Variants in IL16 observed in about 807,000 individuals in gnomAD.
IL16 encodes pro-interleukin-16.
In IL16, 67 loss-of-function variants were observed where a neutral mutation model predicts 110.1. The observed-to-expected ratio is 0.61, with a 90% CI of 0.50 to 0.75. IL16 has a LOEUF of 0.75. IL16 is among the 30% of genes least tolerant of loss of function. The pLI is 0.00. For synonymous variants in IL16, 689 were observed against 662.9 expected (o/e 1.04, Z -0.61); for missense variants, 1,545 against 1,655.0 (o/e 0.93, Z 1.15).
intron 2 of IL16, among the ~76,000 whole-genome samples, chr15:81,238,898 G>T (rs1247213871): frequency 1.3e-5 from 2 of 150,084 alleles, no homozygotes; most frequent in Admixed American, 6.6e-5. Context: ...AATAGATATA[G>T]GATTTATGGT....
chr15:81,288,543 C>T (rs1899554648), intron 10 of IL16, among the ~76,000 whole-genome samples: 1 of 152,172 alleles, frequency 6.6e-6, no homozygotes, highest in South Asian at 2.1e-4. Flanking sequence ...GTTGTGCAAC[C>T]ATTGCCACCA....
At chr15:81,296,893 T>C in intron 12 of IL16, 35 bp from the exon 13 acceptor site, 1 of 1,560,762 alleles carries the variant, frequency 6.4e-7, no homozygotes, top group Non-Finnish European at 8.7e-7. Flanking sequence ...GAGGCTACCG[T>C]TTTGACATGG....
At chr15:81,216,735 G>A (rs1451046798) in intron 1 of IL16, among the ~76,000 whole-genome samples, 1 of 152,148 alleles carries the variant, frequency 6.6e-6, no homozygotes, top group Non-Finnish European at 1.5e-5. Flanking sequence ...CCTCCTATGA[G>A]AAGAACCCAA....
At chr15:81,189,209 C>T (rs1309068872) in intron 1 of IL16, among the ~76,000 whole-genome samples, 2 of 151,626 alleles carry the variant, frequency 1.3e-5, no homozygotes, top group African/African-American at 2.4e-5. Flanking sequence ...CTGCAACCTC[C>T]ACCTCCTGGG....
At chr15:81,244,556 C>G (rs1897468578) in intron 2 of IL16, among the ~76,000 whole-genome samples, 2 of 152,110 alleles carry the variant, frequency 1.3e-5, no homozygotes, top group South Asian at 4.1e-4. Flanking sequence ...CTACTGTCAT[C>G]TGAATTGAGT....
chr15:81,188,880 G>C (rs572348321), intron 1 of IL16, among the ~76,000 whole-genome samples: 12 of 152,268 alleles, frequency 7.9e-5, no homozygotes, highest in African/African-American at 2.9e-4. Flanking sequence ...CTGGCAGCAA[G>C]GCTTTATTCT....
intron 1 of IL16, among the ~76,000 whole-genome samples, chr15:81,204,958 A>G: frequency 6.6e-6 from 1 of 152,088 alleles, no homozygotes; most frequent in East Asian, 1.9e-4. Flanking sequence ...CCACAAAACA[A>G]GACAAATTTT....
At chr15:81,207,317 A>G (rs1896066769) in intron 1 of IL16, among the ~76,000 whole-genome samples, 1 of 152,088 alleles carries the variant, frequency 6.6e-6, no homozygotes, top group Non-Finnish European at 1.5e-5. Flanking sequence ...TTATAATCAC[A>G]GTGTTGCTGT....
In IL16 at chr15:81,290,525, C is replaced by G; in HGVS notation, c.1405C>G (p.Gln469Glu). ...ENTKFGKERHQWSLEGVKRLE... is the reference protein window; with the variant it reads ...ENTKFGKERHEWSLEGVKRLE... Reference sequence around the variant, plus strand: ...CACCAAGTTTGGAAAGGAGAGGCATCAGTGGAGTCTGGAAGGTAAGACAAA... The same window carrying G: ...CACCAAGTTTGGAAAGGAGAGGCATGAGTGGAGTCTGGAAGGTAAGACAAA... Residue 469 changes from glutamine to glutamate, a missense_variant, in exon 11 of 19, where the codon CAG becomes GAG. Coordinates refer to ENST00000683961, the MANE Select transcript of IL16 (RefSeq NM_172217.5). 6.2e-7 allele frequency: 1 copy of G among 1,611,302 alleles called. No homozygotes were observed. Among genetic ancestry groups the G allele is most frequent in the Non-Finnish European group, 8.5e-7 (1 of 1,177,722 alleles).
chr15:81,206,551 A>C (rs940328823), intron 1 of IL16, among the ~76,000 whole-genome samples: 2 of 152,230 alleles, frequency 1.3e-5, no homozygotes, highest in African/African-American at 4.8e-5. Context: ...TAAAACACTT[A>C]GTCACATCAC....
chr15:81,279,191 T>G (rs948255417), intron 7 of IL16, among the ~76,000 whole-genome samples: 1 of 152,240 alleles, frequency 6.6e-6, no homozygotes, highest in South Asian at 2.1e-4. Context: ...TGCTAAATGA[T>G]ATTCCTAAGT....
upstream of IL16, among the ~76,000 whole-genome samples, chr15:81,194,648 T>C (rs1895552216): frequency 6.6e-6 from 1 of 152,180 alleles, no homozygotes; most frequent in Non-Finnish European, 1.5e-5. Flanking sequence ...TATGAAACTT[T>C]AGCAAGCATC....
rs140887743 is a variant in IL16, at chr15:81,209,548, C to T, written c.-102+12396C>T. Among the ~76,000 whole-genome samples, 1,264 of 151,874 alleles carry T rather than the reference C, an allele frequency of 8.3e-3. 48 individuals carry two copies. The East Asian group carries it at 0.12, about 15-fold the overall frequency. On this transcript the variant is annotated intron_variant, in intron 1 of 18. Transcript: ENST00000683961. ...CTCTCTTGTTCTTTTTTTTAAGGAG[C>T]ACAGGTGATCCTTAAAGATCCAAGA... is the stretch of plus-strand genomic sequence containing the variant.
chr15:81,210,939 T>A (rs1326748317), intron 1 of IL16, among the ~76,000 whole-genome samples: 1 of 152,222 alleles, frequency 6.6e-6, no homozygotes, highest in African/African-American at 2.4e-5. Flanking sequence ...AGGGGAATGG[T>A]TCCAGCTTTT....
At chr15:81,288,869 C>T (rs927675759) in intron 10 of IL16, among the ~76,000 whole-genome samples, 3 of 144,380 alleles carry the variant, frequency 2.1e-5, no homozygotes, top group African/African-American at 8.0e-5. Context: ...GTATCACATG[C>T]TGTTTATCAT....
At chr15:81,304,248 C>T (rs1900438284) in intron 16 of IL16, among the ~76,000 whole-genome samples, 6 of 150,260 alleles carry the variant, frequency 4.0e-5, no homozygotes, top group Admixed American at 3.3e-4. Flanking sequence ...CACTTAAAAC[C>T]TGTAAGTCTC....
intron 2 of IL16, among the ~76,000 whole-genome samples, chr15:81,256,105 T>C (rs1183838656): frequency 6.6e-6 from 1 of 152,202 alleles, no homozygotes; most frequent in Non-Finnish European, 1.5e-5. Flanking sequence ...GTTTCATGTC[T>C]GCTGTCACAT....
At chr15:81,199,031 A>AAAAT (rs71153567) in intron 1 of IL16, among the ~76,000 whole-genome samples, 1 of 96,800 alleles carries the variant, frequency 1.0e-5, no homozygotes, top group African/African-American at 4.3e-5. Flanking sequence ...AAAAAAAAAA[A>AAAAT]TATATATATA....
At chr15:81,305,000 A>G (rs1900479299) in intron 16 of IL16, among the ~76,000 whole-genome samples, 1 of 152,218 alleles carries the variant, frequency 6.6e-6, no homozygotes, top group African/African-American at 2.4e-5. Flanking sequence ...TATCCCACAT[A>G]TCTTGCAGAA....
Sources: allele counts gnomAD v4.1 joint callset (sites outside exome capture counted in the v4.1 genomes callset), GRCh38; gene constraint gnomAD v4.1.1; transcripts MANE v1.5; gene names NCBI Gene and HGNC (gene_info 2026-07-23, HGNC 2026-07-21).